Variants in TRAPPC9 observed in about 807,000 individuals in gnomAD.
TRAPPC9 encodes IKK2 binding protein.
A neutral mutation model predicts 124.0 loss-of-function variants in TRAPPC9; 83 were observed. The observed-to-expected ratio is 0.67, with a 90% CI of 0.56 to 0.80. The LOEUF is 0.80. Ranked by LOEUF, TRAPPC9 falls within the 30% of genes least tolerant of loss-of-function variation. The pLI is 0.00. For missense variants in TRAPPC9, 1,302 were observed against 1,508.3 expected, an observed-to-expected ratio of 0.86 and a Z score of 2.27; for synonymous variants, 638 against 617.5, an observed-to-expected ratio of 1.03 and a Z score of -0.49.
intron 5 of TRAPPC9, among the ~76,000 whole-genome samples, chr8:140,418,724 AGAT>A (rs2070037487): frequency 3.3e-5 from 2 of 60,540 alleles, no homozygotes; most frequent in Non-Finnish European, 3.5e-5. Context: ...CATCTCAAAA[AGAT>A]AGATAGATAG....
At chr8:139,916,906 T>C (rs1462792077) in intron 19 of TRAPPC9, among the ~76,000 whole-genome samples, 1 of 152,238 alleles carries the variant, frequency 6.6e-6, no homozygotes, top group Non-Finnish European at 1.5e-5. Context: ...GCTTTCCAAA[T>C]GTATGTGGTA....
chr8:139,952,215 T>C (rs1834684876), intron 19 of TRAPPC9, among the ~76,000 whole-genome samples: 1 of 152,192 alleles, frequency 6.6e-6, no homozygotes, highest in South Asian at 2.1e-4. Flanking sequence ...TAATAGCAAA[T>C]TGCATGCCAG....
chr8:139,918,534 C>G (rs1021645048), intron 19 of TRAPPC9, among the ~76,000 whole-genome samples: 3 of 152,188 alleles, frequency 2.0e-5, no homozygotes, highest in Non-Finnish European at 4.4e-5. Flanking sequence ...GAGCGAGGGG[C>G]CCTCCCCGGC....
At chr8:139,947,023 T>C (rs961808599) in intron 19 of TRAPPC9, among the ~76,000 whole-genome samples, 1 of 151,804 alleles carries the variant, frequency 6.6e-6, no homozygotes, top group African/African-American at 2.4e-5. Context: ...AAAAAGGCCC[T>C]GGCTGGGAAA....
At chr8:140,152,511 C>T (rs1329968007) in intron 17 of TRAPPC9, among the ~76,000 whole-genome samples, 1 of 151,540 alleles carries the variant, frequency 6.6e-6, no homozygotes, top group Non-Finnish European at 1.5e-5. Flanking sequence ...CAGGTGCCTG[C>T]CACCACGCCT....
intron 18 of TRAPPC9, among the ~76,000 whole-genome samples, chr8:140,003,764 A>T (rs1309306168): frequency 1.3e-5 from 2 of 152,208 alleles, no homozygotes; most frequent in East Asian, 3.8e-4. Flanking sequence ...TGGTACTACC[A>T]CTCTGGAAAA....
chr8:140,280,748 A>G (rs2065286267), intron 14 of TRAPPC9, among the ~76,000 whole-genome samples: 1 of 152,114 alleles, frequency 6.6e-6, no homozygotes, highest in African/African-American at 2.4e-5. Flanking sequence ...ACCCAGTTTT[A>G]AAACACTTGC....
chr8:140,283,830 T>C (rs562790541), intron 14 of TRAPPC9, 59 bp downstream of exon 14: 38 of 1,561,312 alleles, frequency 2.4e-5, no homozygotes, highest in Middle Eastern at 1.7e-4. Flanking sequence ...AAAAAAAAAA[T>C]GTAGGACCAA....
intron 13 of TRAPPC9, among the ~76,000 whole-genome samples, chr8:140,285,909 C>A (rs74895603): frequency 0.032 from 4,946 of 152,286 alleles, 269 homozygotes; most frequent in African/African-American, 0.11. Flanking sequence ...GTAGGGAGCA[C>A]CCTTCCAGCA....
chr8:140,458,453 C>G, upstream of TRAPPC9: 1 of 1,573,486 alleles, frequency 6.4e-7, no homozygotes, highest in Non-Finnish European at 8.6e-7. Context: ...GCGCGCGCGG[C>G]CTGGGAGCGC....
intron 9 of TRAPPC9, among the ~76,000 whole-genome samples, chr8:140,338,440 T>G (rs2067101340): frequency 6.6e-6 from 1 of 152,202 alleles, no homozygotes; most frequent in African/African-American, 2.4e-5. Flanking sequence ...TCCCTTAGGA[T>G]GGGACAGGAC....
intron 20 of TRAPPC9, among the ~76,000 whole-genome samples, chr8:139,901,018 T>TAAATAAATAAATAAAA (rs1554668236): frequency 2.6e-5 from 4 of 151,256 alleles, no homozygotes; most frequent in African/African-American, 9.7e-5. Context: ...AATAAATAAA[T>TAAATAAATAAATAAAA]AAAAATAAAA....
chr8:140,192,233 G>A (rs1220767279), intron 17 of TRAPPC9, among the ~76,000 whole-genome samples: 2 of 152,216 alleles, frequency 1.3e-5, no homozygotes, highest in East Asian at 3.9e-4. Context: ...AAATTGTCAA[G>A]CCTAAGAAAG....
At chr8:139,815,137 A>T (rs999874720) in intron 21 of TRAPPC9, among the ~76,000 whole-genome samples, 2 of 152,148 alleles carry the variant, frequency 1.3e-5, no homozygotes, top group Non-Finnish European at 2.9e-5. Flanking sequence ...GCCTTAGAAC[A>T]TCTGTATCAG....
In TRAPPC9 at chr8:139,784,608, C is replaced by CATACATATATAT. The variant is rs1554643612; in HGVS notation, c.3056-52407_3056-52406insATATATATGTAT. 1.9e-3 allele frequency among the ~76,000 whole-genome samples: 166 copies of CATACATATATAT among 88,646 alleles called. 2 individuals are homozygous for CATACATATATAT. The highest frequency in any genetic ancestry group is 6.4e-3 in the African/African-American group (159 of 24,930). 58.2% of individuals were successfully genotyped at this position (88,646 alleles called of 152,430 possible). On this transcript the variant is annotated intron_variant, in intron 21 of 22. Transcript: ENST00000438773. ...AATAAATAAATAAATAAAAGACTGA[C>CATACATATATAT]ATATATATATATATATATATATATA...
At position 140,310,036 on chromosome 8, in the gene TRAPPC9, G is replaced by A. The variant is rs1190677206; in HGVS notation, c.1622+1212C>T. On this transcript the variant is annotated intron_variant, in intron 10 of 22. Transcript: ENST00000438773. The stretch of plus-strand genomic sequence containing the variant: ...CCCTTTCTGCCCCCACTTCTCGGGA[G>A]CACACAACTCTTTGGCAAAAAGAAA... Among the ~76,000 whole-genome samples the A allele has an allele frequency of 2.6e-5, 4 of 152,208 alleles. No individual in the cohort carries two copies. In the East Asian group the frequency reaches 5.8e-4, roughly 22 times the overall value.
chr8:139,786,975 G>A (rs980918796), intron 21 of TRAPPC9, among the ~76,000 whole-genome samples: 3 of 152,144 alleles, frequency 2.0e-5, no homozygotes, highest in Admixed American at 2.0e-4. Flanking sequence ...GGTTTCACGG[G>A]TGTGTATGCT....
intron 17 of TRAPPC9, among the ~76,000 whole-genome samples, chr8:140,035,329 C>T (rs895642563): frequency 3.3e-5 from 5 of 152,174 alleles, no homozygotes; most frequent in Non-Finnish European, 5.9e-5. Context: ...ATCAGACTTC[C>T]GGCTTATAGA....
At chr8:140,251,626 T>C (rs916375557) in intron 16 of TRAPPC9, among the ~76,000 whole-genome samples, 1 of 152,226 alleles carries the variant, frequency 6.6e-6, no homozygotes, top group South Asian at 2.1e-4. Flanking sequence ...CTTCCCCAGC[T>C]GCATCTACTG....
Sources: allele counts gnomAD v4.1 joint callset (sites outside exome capture counted in the v4.1 genomes callset), GRCh38; gene constraint gnomAD v4.1.1; transcripts MANE v1.5; gene names NCBI Gene and HGNC (gene_info 2026-07-23, HGNC 2026-07-21).